SEMA5B: variants seen among roughly 807,000 people sequenced by gnomAD.
SEMA5B encodes semaphorin 5B.
Under a neutral mutation model 135.0 loss-of-function variants are expected in SEMA5B, and 66 were observed. The ratio of observed to expected loss-of-function variants is 0.49; its 90% CI spans 0.40 to 0.60. SEMA5B has a LOEUF of 0.60. SEMA5B is among the 20% of genes least tolerant of loss of function. The probability of loss-of-function intolerance (pLI) is 0.00; values close to 1 mark genes in which losing one functional copy is unlikely to be tolerated. For synonymous variants in SEMA5B, 690 were observed against 639.5 expected (o/e 1.08, Z -1.19); for missense variants, 1,501 against 1,566.3 (o/e 0.96, Z 0.70).
chr3:122,920,017 G>A (rs932837915), intron 12 of SEMA5B, among the ~76,000 whole-genome samples: 14 of 152,054 alleles, frequency 9.2e-5, no homozygotes, highest in Admixed American at 8.5e-4. Context: ...TGCAGGCCCC[G>A]TTCCTTCAGA....
chr3:122,913,431 G>A lies in SEMA5B; in HGVS notation c.2281-7C>T, dbSNP rs766233387. 3.8e-6 allele frequency: 6 copies of A among 1,563,730 alleles called. No individual in the cohort carries two copies. The South Asian group carries it at 5.8e-5, about 15-fold the overall frequency. Reference sequence around the variant, plus strand: ...GGTTGCACGTCTTGAACTCCTGCGGGTGGCGGCAGAGGCAGCTTTAGAACC... The same window carrying A: ...GGTTGCACGTCTTGAACTCCTGCGGATGGCGGCAGAGGCAGCTTTAGAACC... On this transcript the variant is annotated splice_region_variant and splice_polypyrimidine_tract_variant and intron_variant, in intron 16 of 22. Coordinates refer to ENST00000357599, the MANE Select transcript of SEMA5B (RefSeq NM_001031702.4).
At chr3:123,015,828 C>T (rs1383705837) in intron 1 of SEMA5B, among the ~76,000 whole-genome samples, 1 of 152,222 alleles carries the variant, frequency 6.6e-6, no homozygotes, top group African/African-American at 2.4e-5. Flanking sequence ...CAACCTGCAG[C>T]TCCAAAGAGG....
chr3:122,946,862 G>T, intron 3 of SEMA5B, among the ~76,000 whole-genome samples: 1 of 152,110 alleles, frequency 6.6e-6, no homozygotes, highest in East Asian at 1.9e-4. Context: ...TAGGAGGATG[G>T]GGCGAGAAGT....
chr3:122,921,195 C>G (rs1938331514), intron 12 of SEMA5B, among the ~76,000 whole-genome samples: 1 of 152,200 alleles, frequency 6.6e-6, no homozygotes, highest in Non-Finnish European at 1.5e-5. Context: ...TGTGGTGGTG[C>G]CAGCTTCTGA....
intron 18 of SEMA5B, 110 bp downstream of exon 18, chr3:122,912,733 A>G (rs1176996150): frequency 9.2e-7 from 1 of 1,089,710 alleles, no homozygotes; most frequent in Non-Finnish European, 1.3e-6. Flanking sequence ...GTTGGCAGGG[A>G]GAAGGGGTCA....
chr3:122,930,553 C>A (rs531675971), intron 5 of SEMA5B, among the ~76,000 whole-genome samples: 1 of 152,352 alleles, frequency 6.6e-6, no homozygotes, highest in African/African-American at 2.4e-5. Flanking sequence ...GTTGTGCAGG[C>A]CAAAAGCCCC....
intron 1 of SEMA5B, among the ~76,000 whole-genome samples, chr3:123,004,189 G>GC (rs1166680647): frequency 2.6e-5 from 4 of 152,222 alleles, no homozygotes; most frequent in Non-Finnish European, 5.9e-5. Context: ...ACCACAAGGT[G>GC]CCCTACTCAG....
intron 9 of SEMA5B, among the ~76,000 whole-genome samples, chr3:122,925,118 A>G (rs1430756731): frequency 6.6e-6 from 1 of 151,990 alleles, no homozygotes; most frequent in Non-Finnish European, 1.5e-5. Flanking sequence ...TGTCTTTCCT[A>G]TAGCTAGCCT....
intron 1 of SEMA5B, among the ~76,000 whole-genome samples, chr3:123,022,934 CAGA>C (rs937893378): frequency 2.0e-5 from 3 of 152,184 alleles, no homozygotes; most frequent in Admixed American, 1.3e-4. Flanking sequence ...GAAATTTCTT[CAGA>C]AGGAGAGTAT....
chr3:123,025,529 A>T (rs1942778281), intron 1 of SEMA5B, among the ~76,000 whole-genome samples: 2 of 152,210 alleles, frequency 1.3e-5, no homozygotes, highest in African/African-American at 4.8e-5. Context: ...GGTGATGATT[A>T]TGGTCGCTAC....
chr3:122,922,520 C>T, intron 10 of SEMA5B, 73 bp from the exon 11 acceptor site: 1 of 1,419,156 alleles, frequency 7.0e-7, no homozygotes. Context: ...CTCCCTCCTC[C>T]TGGCAACCCA....
intron 2 of SEMA5B, among the ~76,000 whole-genome samples, chr3:122,951,674 C>T (rs1448737472): frequency 6.6e-6 from 1 of 152,242 alleles, no homozygotes; most frequent in Non-Finnish European, 1.5e-5. Flanking sequence ...TTAGGGATCC[C>T]TGACAGGAGC....
At chr3:122,978,479 G>GT (rs1455976542) in intron 1 of SEMA5B, among the ~76,000 whole-genome samples, 3 of 152,132 alleles carry the variant, frequency 2.0e-5, no homozygotes, top group East Asian at 3.9e-4. Context: ...ACAGAGCTAG[G>GT]TTTTTTCTTT....
At chr3:122,966,915 A>G (rs1940872489) in intron 1 of SEMA5B, among the ~76,000 whole-genome samples, 1 of 137,780 alleles carries the variant, frequency 7.3e-6, no homozygotes. Flanking sequence ...ATGGAGTTTC[A>G]CTCTTGTGGC....
chr3:122,913,178 G>T (rs763854082), intron 17 of SEMA5B, 21 bp downstream of exon 17: 2 of 1,536,316 alleles, frequency 1.3e-6, no homozygotes, highest in Non-Finnish European at 1.7e-6. Context: ...GAGGAAGGAG[G>T]GGGCGCCGGG....
intron 1 of SEMA5B, among the ~76,000 whole-genome samples, chr3:123,021,008 C>G (rs1400119804): frequency 6.6e-6 from 1 of 152,212 alleles, no homozygotes; most frequent in Admixed American, 6.5e-5. Context: ...TACCCTCAGC[C>G]TTGGGGACAT....
intron 1 of SEMA5B, among the ~76,000 whole-genome samples, chr3:122,981,657 C>T (rs1163257390): frequency 6.6e-6 from 1 of 152,238 alleles, no homozygotes; most frequent in African/African-American, 2.4e-5. Flanking sequence ...GGCTGTCACA[C>T]AGGCAGAGCT....
intron 8 of SEMA5B, 23 bp from the exon 9 acceptor site, chr3:122,926,700 A>T: frequency 6.2e-7 from 1 of 1,607,126 alleles, no homozygotes; most frequent in Non-Finnish European, 8.5e-7. Context: ...AAGAGGAACA[A>T]GGGGCAGGGC....
intron 5 of SEMA5B, among the ~76,000 whole-genome samples, chr3:122,931,415 G>T (rs1420582991): frequency 6.6e-6 from 1 of 152,092 alleles, no homozygotes; most frequent in African/African-American, 2.4e-5. Context: ...CAGTACCCCA[G>T]ATTTCACTGA....
Sources: gnomAD v4.1 joint callset for allele counts (sites outside exome capture counted in the v4.1 genomes callset) on GRCh38, gnomAD v4.1.1 for gene constraint, MANE v1.5 for transcripts, NCBI Gene and HGNC (gene_info 2026-07-23, HGNC 2026-07-21) for gene names.